The following ROBO1 variants were observed in gnomAD, a reference collection of about 807,000 sequenced individuals.
The protein encoded by ROBO1 is roundabout guidance receptor 1.
A neutral mutation model predicts 195.9 loss-of-function variants in ROBO1; 149 were observed. The observed-to-expected ratio is 0.76, with a 90% CI of 0.67 to 0.87. The LOEUF is 0.87. Among genes scored for constraint, ROBO1 ranks in the 40% least tolerant of loss-of-function variants. The pLI, the probability that ROBO1 is intolerant of heterozygous loss-of-function variation, is 0.00. For synonymous variants in ROBO1, 816 were observed against 733.2 expected (o/e 1.11, Z -1.82); for missense variants, 1,933 against 2,068.3 (o/e 0.93, Z 1.27).
chr3:78,679,805 T>A (rs1163105806), intron 10 of ROBO1, among the ~76,000 whole-genome samples: 3 of 152,148 alleles, frequency 2.0e-5, no homozygotes, highest in African/African-American at 7.2e-5. Context: ...TACCAATGAC[T>A]TTCCTCACAG....
intron 3 of ROBO1, among the ~76,000 whole-genome samples, chr3:79,052,805 G>A (rs913495408): frequency 1.3e-5 from 2 of 152,162 alleles, no homozygotes; most frequent in Non-Finnish European, 1.5e-5. Context: ...AATTCCCTTT[G>A]GTAGGTGTGG....
chr3:78,855,825 A>G (rs2106920895), intron 4 of ROBO1, among the ~76,000 whole-genome samples: 1 of 152,276 alleles, frequency 6.6e-6, no homozygotes, highest in African/African-American at 2.4e-5. Context: ...TGCAAAAGAA[A>G]AAGTATCACA....
chr3:79,382,279 C>A (rs2109378896), intron 2 of ROBO1, among the ~76,000 whole-genome samples: 1 of 152,110 alleles, frequency 6.6e-6, no homozygotes, highest in East Asian at 1.9e-4. Context: ...TTTTTATAAA[C>A]CTACTGTACA....
intron 14 of ROBO1, among the ~76,000 whole-genome samples, 169 bp downstream of exon 14, chr3:78,667,714 A>G (rs1707816189): frequency 6.6e-6 from 1 of 152,174 alleles, no homozygotes; most frequent in African/African-American, 2.4e-5. Context: ...AAAATAATAA[A>G]GTTTGTAGAC....
Position 78,884,841 on chromosome 3 carries a change from A to ACTCT in ROBO1, c.499+53756_499+53759dup, listed in dbSNP as rs139880326. On this transcript the variant is annotated intron_variant, in intron 4 of 30. Transcript: ENST00000464233. ...TAACATAAGGAAAAAGAAGAAATAG[A>ACTCT]CTCTCTCTCTCTCTCTCTCTCTTTC... 9.2e-5 allele frequency among the ~76,000 whole-genome samples: 13 copies of ACTCT among 141,956 alleles called. No individual in the cohort carries two copies. The East Asian group carries it at 1.3e-3, about 14-fold the overall frequency. 93.1% of individuals were successfully genotyped at this position (141,956 alleles called of 152,430 possible). A position where few individuals can be genotyped will look rare whatever the true frequency, so the allele number is the denominator to read the frequency against.
At chr3:78,890,218 TATAA>T (rs1262881144) in intron 4 of ROBO1, among the ~76,000 whole-genome samples, 1 of 152,144 alleles carries the variant, frequency 6.6e-6, no homozygotes, top group Non-Finnish European at 1.5e-5. Context: ...AATAACCATG[TATAA>T]ATAAAGAATT....
intron 2 of ROBO1, among the ~76,000 whole-genome samples, chr3:79,546,420 A>C (rs1281662784): frequency 6.6e-6 from 1 of 152,156 alleles, no homozygotes; most frequent in Non-Finnish European, 1.5e-5. Flanking sequence ...GAAAGAGTAC[A>C]GTGTTGCTCT....
At chr3:78,966,192 A>G (rs1292223955) in intron 3 of ROBO1, among the ~76,000 whole-genome samples, 1 of 152,154 alleles carries the variant, frequency 6.6e-6, no homozygotes, top group Non-Finnish European at 1.5e-5. Flanking sequence ...CTCCAAAACC[A>G]TTCCCTGCCC....
chr3:78,819,805 C>T (rs956804258), intron 4 of ROBO1, among the ~76,000 whole-genome samples: 1 of 152,116 alleles, frequency 6.6e-6, no homozygotes, highest in African/African-American at 2.4e-5. Flanking sequence ...TTCAGCTCTG[C>T]CACCAACCCG....
At chr3:78,779,551 A>T (rs527339448) in intron 4 of ROBO1, among the ~76,000 whole-genome samples, 9 of 152,296 alleles carry the variant, frequency 5.9e-5, no homozygotes, top group African/African-American at 1.9e-4. Context: ...TCAAAACCAT[A>T]ATGAGATGCC....
At chr3:79,445,481 GTTTTTTT>G (rs34514488) in intron 2 of ROBO1, among the ~76,000 whole-genome samples, 2 of 85,718 alleles carry the variant, frequency 2.3e-5, no homozygotes, top group African/African-American at 4.9e-5. Flanking sequence ...TACAGAAATT[GTTTTTTT>G]TTTTTTTTTT....
At chr3:79,447,426 C>A (rs1034223534) in intron 2 of ROBO1, among the ~76,000 whole-genome samples, 1 of 152,116 alleles carries the variant, frequency 6.6e-6, no homozygotes, top group African/African-American at 2.4e-5. Context: ...GAGATCTTCA[C>A]CAATGCATAT....
At chr3:79,024,289 G>A (rs114675626) in intron 3 of ROBO1, among the ~76,000 whole-genome samples, 131 of 152,124 alleles carry the variant, frequency 8.6e-4, no homozygotes, top group Non-Finnish European at 1.5e-3. Flanking sequence ...ACAATGGGTC[G>A]GGCTAGAATT....
intron 8 of ROBO1, among the ~76,000 whole-genome samples, chr3:78,708,633 C>A (rs79782105): frequency 0.015 from 2,317 of 152,178 alleles, 49 homozygotes; most frequent in African/African-American, 0.053. Context: ...AACCTGCAAC[C>A]ATTCTTGAAT....
intron 2 of ROBO1, among the ~76,000 whole-genome samples, chr3:79,535,537 T>C (rs1941824888): frequency 1.3e-5 from 2 of 152,190 alleles, no homozygotes; most frequent in South Asian, 2.1e-4. Flanking sequence ...ACAGAGGTTG[T>C]CTGCAATAAC....
At chr3:79,308,401 T>C (rs932445026) in intron 2 of ROBO1, among the ~76,000 whole-genome samples, 5 of 152,208 alleles carry the variant, frequency 3.3e-5, no homozygotes, top group Non-Finnish European at 7.4e-5. Context: ...CATTTTAGTC[T>C]ATAAAACTAA....
At chr3:79,697,934 A>T (rs1046641702) in intron 1 of ROBO1, among the ~76,000 whole-genome samples, 6 of 151,538 alleles carry the variant, frequency 4.0e-5, no homozygotes, top group Admixed American at 1.3e-4. Flanking sequence ...AAAAATCACT[A>T]TCTTAAAAAA....
At chr3:78,629,041 A>G (rs1283797086) in intron 25 of ROBO1, among the ~76,000 whole-genome samples, 2 of 151,854 alleles carry the variant, frequency 1.3e-5, no homozygotes, top group East Asian at 3.9e-4. Flanking sequence ...TAAATGACTA[A>G]GCAAAACACT....
At chr3:78,925,809 G>A (rs190444500) in intron 4 of ROBO1, among the ~76,000 whole-genome samples, 1 of 152,030 alleles carries the variant, frequency 6.6e-6, no homozygotes, top group Non-Finnish European at 1.5e-5. Flanking sequence ...GGTGTGGGAG[G>A]AGTGGGGATA....
Sources: allele counts gnomAD v4.1 joint callset (sites outside exome capture counted in the v4.1 genomes callset), GRCh38; gene constraint gnomAD v4.1.1; transcripts MANE v1.5; gene names NCBI Gene and HGNC (gene_info 2026-07-23, HGNC 2026-07-21).